ATIC: variants seen among roughly 807,000 people sequenced by gnomAD.
The protein encoded by ATIC is bifunctional purine biosynthesis protein ATIC.
ATIC carries 64 observed loss-of-function variants against 72.5 expected under a neutral mutation model. The observed-to-expected ratio is 0.88, with a 90% CI of 0.72 to 1.09. ATIC has a LOEUF of 1.09. Ranked by LOEUF, ATIC falls within the 50% of genes least tolerant of loss-of-function variation. ATIC has a pLI of 0.00. For synonymous variants in ATIC, 281 were observed against 267.1 expected (o/e 1.05, Z -0.51); for missense variants, 787 against 732.4 (o/e 1.07, Z -0.86).
At chr2:215,326,275 GGA>G in intron 6 of ATIC, 137 bp downstream of exon 6, 1 of 1,153,540 alleles carries the variant, frequency 8.7e-7, no homozygotes. Flanking sequence ...TGTTAAAAAT[GGA>G]GAAACCAGCT....
chr2:215,331,893 C>T (rs1465252981), intron 7 of ATIC, among the ~76,000 whole-genome samples: 1 of 152,176 alleles, frequency 6.6e-6, no homozygotes, highest in Non-Finnish European at 1.5e-5. Flanking sequence ...AGAAAAAACA[C>T]ATTATTTCTT....
At chr2:215,327,108 C>T in intron 7 of ATIC, 130 bp downstream of exon 7, 1 of 1,451,874 alleles carries the variant, frequency 6.9e-7, no homozygotes, top group African/African-American at 1.4e-5. Context: ...CATCTGATAA[C>T]CATCTGGTTT....
chr2:215,316,071 G>C (rs1000436626), intron 2 of ATIC, among the ~76,000 whole-genome samples: 3 of 152,108 alleles, frequency 2.0e-5, no homozygotes, highest in Non-Finnish European at 2.9e-5. Context: ...GAGGTAAACT[G>C]ATGGATTTTA....
chr2:215,326,323 A>G (rs1241091288), intron 6 of ATIC, among the ~76,000 whole-genome samples, 185 bp downstream of exon 6: 2 of 152,100 alleles, frequency 1.3e-5, no homozygotes, highest in African/African-American at 2.4e-5. Flanking sequence ...ATTGAAAGAG[A>G]GCTGGGCGCG....
intron 15 of ATIC, 38 bp from the exon 16 acceptor site, chr2:215,349,498 A>G (rs759590504): frequency 9.3e-6 from 15 of 1,613,992 alleles, no homozygotes; most frequent in South Asian, 1.1e-5. Context: ...AGGTTTTTAC[A>G]TAAAATCGCG....
At chr2:215,339,592 ATATT>A (rs2052995411) in intron 12 of ATIC, among the ~76,000 whole-genome samples, 1 of 151,632 alleles carries the variant, frequency 6.6e-6, no homozygotes, top group African/African-American at 2.4e-5. Flanking sequence ...ACTACGATGG[ATATT>A]TATTGTTCTT....
intron 13 of ATIC, chr2:215,345,144 T>C: frequency 2.1e-6 from 1 of 479,778 alleles, no homozygotes; most frequent in Non-Finnish European, 3.8e-6. Context: ...CTAATAGCTG[T>C]TACAAAACTG....
At chr2:215,359,522 AACAT>A in the ATIC span, among the ~76,000 whole-genome samples, 4 of 152,182 alleles carry the variant, frequency 2.6e-5, no homozygotes, top group Non-Finnish European at 4.4e-5. Context: ...ATTTTTAAAA[AACAT>A]ACAGAGCAGC....
intron 14 of ATIC, 25 bp from the exon 15 acceptor site, chr2:215,349,069 T>C: frequency 1.2e-6 from 2 of 1,613,970 alleles, no homozygotes; most frequent in Non-Finnish European, 1.7e-6. Flanking sequence ...AGACCAAGCT[T>C]CTTCCTTTCT....
the ATIC span, chr2:215,360,461 A>G: frequency 2.5e-3 from 381 of 152,340 alleles, 5 homozygotes; most frequent in African/African-American, 8.9e-3. Flanking sequence ...TACTTTTAAT[A>G]TCTTAGTCAT....
intron 10 of ATIC, 63 bp from the exon 11 acceptor site, chr2:215,335,972 G>A (rs774640863): frequency 4.5e-6 from 6 of 1,331,850 alleles, no homozygotes; most frequent in Non-Finnish European, 6.4e-6. Flanking sequence ...ATTGCTGCTA[G>A]ATTTTTTTAA....
In ATIC at chr2:215,318,161, G is replaced by T. The variant is rs780025938; in HGVS notation, c.151G>T (p.Val51Phe). ...TTCTGTTTATCTGTTTTTCAGAGAT[G>T]TCTCTGAGTTGACGGGATTTCCTGA... The part of the protein sequence containing the change: ...LRDAGLAVRD[V>F]SELTGFPEML... The change falls in exon 3 of 16, where the codon GTC (valine) becomes TTC (phenylalanine). Residue 51 changes from valine to phenylalanine, a missense_variant. Physicochemically the swap from Val to Phe is conservative, Grantham distance 50. Transcript: ENST00000236959. The T allele has an allele frequency of 6.2e-7, 1 of 1,613,648 alleles. No homozygotes were observed. Among genetic ancestry groups the T allele is most frequent in the South Asian group, 1.1e-5 (1 of 91,074 alleles).
chr2:215,330,247 AGTTT>A lies in ATIC; in HGVS notation c.689-2130_689-2127del, dbSNP rs940149849. Among the ~76,000 whole-genome samples the A allele has an allele frequency of 6.8e-4, 104 of 152,208 alleles. 1 individual carries two copies. Among genetic ancestry groups the A allele is most frequent in the African/African-American group, 2.5e-3 (103 of 41,532 alleles). On this transcript the variant is annotated intron_variant, in intron 7 of 15. Coordinates refer to ENST00000236959, the MANE Select transcript of ATIC (RefSeq NM_004044.7). ...TTCTATTGTTTACTATTTATTGCCT[AGTTT>A]GTTTTCTTCTGTGCCTCTCGCATAA...
At chr2:215,345,201 A>G in intron 13 of ATIC, 1 of 374,482 alleles carries the variant, frequency 2.7e-6, no homozygotes, top group Non-Finnish European at 5.1e-6. Context: ...TCCAGGGAAG[A>G]GGAGGTAAGT....
chr2:215,332,394 C>G lies in ATIC; in HGVS notation c.701C>G (p.Ala234Gly). 2.5e-6 allele frequency: 4 copies of G among 1,613,944 alleles called. No individual in the cohort carries two copies. Among genetic ancestry groups the G allele is most frequent in the Non-Finnish European group, 3.4e-6 (4 of 1,180,016 alleles). ...TTTTTACATTTAGTTCTAAATGGAG[C>G]CCCTGGATTTATAAACTTGTGCGAT... Reference protein sequence around the residue: ...PKLPITVLNGAPGFINLCDAL... With the variant: ...PKLPITVLNGGPGFINLCDAL... Residue 234 changes from alanine (A) to glycine (G), a missense_variant, in exon 8 of 16, where the codon GCC becomes GGC. Ala to Gly is a moderately conservative substitution (Grantham distance 60). Coordinates refer to ENST00000236959, the MANE Select transcript of ATIC (RefSeq NM_004044.7).
intron 3 of ATIC, 127 bp from the exon 4 acceptor site, chr2:215,319,538 C>G (rs1250473918): frequency 1.4e-6 from 1 of 734,642 alleles, no homozygotes; most frequent in Non-Finnish European, 2.4e-6. Flanking sequence ...GTGAGACCAT[C>G]TCAAAAAAAT....
Position 215,340,313 on chromosome 2 carries a change from T to C in ATIC, c.1227+1406T>C, listed in dbSNP as rs192887958. Reference sequence around the variant, plus strand: ...CACAAAATTGTACCATAAAGGACAATTAAGAAATTTGACCGGAGTTACACA... The same window carrying C: ...CACAAAATTGTACCATAAAGGACAACTAAGAAATTTGACCGGAGTTACACA... On this transcript the variant is annotated intron_variant, in intron 12 of 15. Transcript: ENST00000236959. Among the ~76,000 whole-genome samples the C allele has an allele frequency of 2.0e-5, 3 of 152,266 alleles. No homozygotes were observed. In the East Asian group the frequency reaches 5.8e-4, roughly 29 times the overall value.
At chr2:215,349,912 A>G (rs1575128053), downstream of ATIC, 1 of 581,220 alleles carries the variant, frequency 1.7e-6, no homozygotes, top group East Asian at 3.3e-5. Context: ...GTGAAACATA[A>G]ACATTAGCAG....
the ATIC span, chr2:215,361,436 TC>T: frequency 3.7e-6 from 3 of 821,694 alleles, no homozygotes; most frequent in East Asian, 7.3e-5. Context: ...GAGAACTTCC[TC>T]CAGAGCAAAG....
Sources: allele counts gnomAD v4.1 joint callset (sites outside exome capture counted in the v4.1 genomes callset), GRCh38; gene constraint gnomAD v4.1.1; transcripts MANE v1.5; gene names NCBI Gene and HGNC (gene_info 2026-07-23, HGNC 2026-07-21).